MRM1: variants seen among roughly 807,000 people sequenced by gnomAD.
The protein encoded by MRM1 is rRNA methyltransferase 1, mitochondrial.
In MRM1, 24 loss-of-function variants were observed where a neutral mutation model predicts 25.0. That is an observed-to-expected ratio of 0.96 (90% CI 0.69 to 1.35). The LOEUF (loss-of-function observed/expected upper bound fraction) is 1.35. Ranked by LOEUF, MRM1 falls within the 40% of genes most tolerant of loss-of-function variation. MRM1 has a pLI of 0.00. For missense variants in MRM1, 431 were observed against 464.1 expected (o/e 0.93, Z 0.65); for synonymous variants, 188 against 199.2 (o/e 0.94, Z 0.47).
chr17:36,611,364 C>T (rs78832109), downstream of MRM1, among the ~76,000 whole-genome samples: 5,724 of 152,220 alleles, frequency 0.038, 179 homozygotes, highest in Middle Eastern at 0.065. Flanking sequence ...GGGGATAGTA[C>T]CATTACTACC....
downstream of MRM1, among the ~76,000 whole-genome samples, chr17:36,610,852 T>C (rs1319990162): frequency 1.3e-5 from 2 of 152,228 alleles, no homozygotes; most frequent in African/African-American, 4.8e-5. Flanking sequence ...CTTGCTCTGT[T>C]GCCCAGACTG....
chr17:36,619,851 A>G, the MRM1 span, among the ~76,000 whole-genome samples: 4 of 152,046 alleles, frequency 2.6e-5, no homozygotes, highest in Admixed American at 2.6e-4. Flanking sequence ...CATCCTCAAT[A>G]AGACTGTTTA....
chr17:36,602,573 T>G lies in MRM1; in HGVS notation c.563T>G (p.Val188Gly), dbSNP rs200073578. ...TGCAGCTGCCCGCTCACTCCAGTAG[T>G]CAGCAAGTCCAGCGCGGGGGCTATG... ...RRNSCPLTPV[V>G]SKSSAGAMEV... The change falls in exon 2 of 5, where the codon GTC becomes GGC. Residue 188 changes from valine (V) to glycine (G), a missense_variant. Val to Gly is a moderately radical substitution (Grantham distance 109). Transcript: ENST00000614766. The surrounding 1 kb of genome is among the most constrained non-coding windows in gnomAD (Gnocchi z 4.1). 3.2e-5 allele frequency: 52 copies of G among 1,614,126 alleles called. No individual in the cohort carries two copies. The highest frequency in any genetic ancestry group is 1.0e-4 in the Admixed American group (6 of 60,026).
At chr17:36,614,869 C>T in the MRM1 span, among the ~76,000 whole-genome samples, 2 of 152,282 alleles carry the variant, frequency 1.3e-5, no homozygotes, top group South Asian at 2.1e-4. Flanking sequence ...GTTCTTAAAT[C>T]GCAGAACTGT....
downstream of MRM1, among the ~76,000 whole-genome samples, chr17:36,612,025 C>G (rs181488344): frequency 6.6e-6 from 1 of 152,180 alleles, no homozygotes; most frequent in Non-Finnish European, 1.5e-5. Context: ...CCAGTGCTCC[C>G]TGCATATGGG....
chr17:36,622,268 G>A, the MRM1 span, among the ~76,000 whole-genome samples: 1,192 of 152,208 alleles, frequency 7.8e-3, 18 homozygotes, highest in African/African-American at 0.027. Flanking sequence ...TGGGGTTTTG[G>A]GGGCTGGTGG....
At chr17:36,628,762 C>T in the MRM1 span, among the ~76,000 whole-genome samples, 1 of 152,176 alleles carries the variant, frequency 6.6e-6, no homozygotes, top group African/African-American at 2.4e-5. Context: ...ATGCTCATCA[C>T]AACCCCATTT....
At chr17:36,622,989 T>C in the MRM1 span, among the ~76,000 whole-genome samples, 4 of 152,226 alleles carry the variant, frequency 2.6e-5, no homozygotes, top group South Asian at 8.3e-4. Flanking sequence ...CTCCAAGCCC[T>C]GGGACACTGC....
chr17:36,626,562 A>G, the MRM1 span, among the ~76,000 whole-genome samples: 1 of 152,240 alleles, frequency 6.6e-6, no homozygotes, highest in African/African-American at 2.4e-5. Flanking sequence ...GGGTTTCACC[A>G]TGTTGACAGG....
At chr17:36,604,064 G>A (rs1267042810) in intron 2 of MRM1, among the ~76,000 whole-genome samples, 1 of 152,214 alleles carries the variant, frequency 6.6e-6, no homozygotes, top group Non-Finnish European at 1.5e-5. Context: ...AGAGCTGGAG[G>A]TGCCCCAAGC....
chr17:36,630,730 G>A, the MRM1 span, among the ~76,000 whole-genome samples: 1 of 152,172 alleles, frequency 6.6e-6, no homozygotes, highest in South Asian at 2.1e-4. Flanking sequence ...GGTCTCGAAT[G>A]GTTCGCTAGA....
Position 36,607,704 on chromosome 17 carries a change from C to G in MRM1, c.671C>G (p.Thr224Arg), listed in dbSNP as rs202007668. ...CAGCAGGGCTGGCTCGTGGCCGGCA[C>G]GGTGGGCTGCCCAAGCACAGAGGAT... The part of the protein sequence containing the change: ...KAQQGWLVAG[T>R]VGCPSTEDPQ... The change falls in exon 3 of 5, where the codon ACG (threonine) becomes AGG (arginine). Residue 224 changes from threonine (T) to arginine (R), a missense_variant. Thr to Arg is a moderately conservative substitution (Grantham distance 71). Transcript: ENST00000614766. 9.3e-6 allele frequency: 15 copies of G among 1,614,058 alleles called. No individual in the cohort carries two copies. Among genetic ancestry groups the G allele is most frequent in the Non-Finnish European group, 1.1e-5 (13 of 1,180,042 alleles).
At chr17:36,629,735 G>A in the MRM1 span, among the ~76,000 whole-genome samples, 339 of 151,554 alleles carry the variant, frequency 2.2e-3, no homozygotes, top group Middle Eastern at 0.027. Context: ...GGGTGGGGGG[G>A]GGCACATCAG....
chr17:36,620,642 G>A, the MRM1 span, among the ~76,000 whole-genome samples: 1 of 152,214 alleles, frequency 6.6e-6, no homozygotes, highest in Non-Finnish European at 1.5e-5. Context: ...TGGGGTTGAT[G>A]GCCTCTGATC....
At chr17:36,605,154 AGAG>A (rs1222117353) in intron 2 of MRM1, among the ~76,000 whole-genome samples, 3 of 103,942 alleles carry the variant, frequency 2.9e-5, no homozygotes, top group Non-Finnish European at 5.3e-5. Context: ...AAAAAAAAAA[AGAG>A]AGAGAGAGAG....
Position 36,608,426 on chromosome 17 carries a change from C to T in MRM1, c.*11C>T, listed in dbSNP as rs1023580087. ...CAAAATGAGGGCTGACGTGGACTGT[C>T]CACAGTGTTCATGTGCTGGAGTCAG... On this transcript the variant is annotated 3_prime_UTR_variant, in exon 5 of 5. Transcript: ENST00000614766. The T allele has an allele frequency of 3.3e-6, 5 of 1,516,720 alleles. No homozygotes were observed. The highest frequency in any genetic ancestry group is 4.4e-6 in the Non-Finnish European group (5 of 1,132,134). 94.0% of individuals were successfully genotyped at this position (1,516,720 alleles called of 1,614,324 possible). A position where few individuals can be genotyped will look rare whatever the true frequency, so the allele number is the denominator to read the frequency against.
the MRM1 span, among the ~76,000 whole-genome samples, chr17:36,619,462 G>T: frequency 1.3e-5 from 2 of 152,180 alleles, no homozygotes; most frequent in African/African-American, 4.8e-5. Flanking sequence ...GAGGTCAGGG[G>T]TTCAAGACCA....
At chr17:36,606,476 G>A (rs374863798) in intron 2 of MRM1, among the ~76,000 whole-genome samples, 190 of 150,712 alleles carry the variant, frequency 1.3e-3, no homozygotes, top group African/African-American at 4.3e-3. Context: ...GTGCAGTGGC[G>A]CAATCTTAGC....
At chr17:36,629,969 G>T in the MRM1 span, among the ~76,000 whole-genome samples, 1 of 152,332 alleles carries the variant, frequency 6.6e-6, no homozygotes, top group African/African-American at 2.4e-5. Context: ...TGTGACTGAA[G>T]GATCAGCTTT....
Sources: gnomAD v4.1 joint callset for allele counts (sites outside exome capture counted in the v4.1 genomes callset) on GRCh38, gnomAD v4.1.1 for gene constraint, Gnocchi (gnomAD v3.1) non-coding constraint, MANE v1.5 for transcripts, NCBI Gene and HGNC (gene_info 2026-07-23, HGNC 2026-07-21) for gene names.